CADM1: variants seen among roughly 807,000 people sequenced by gnomAD.
The protein encoded by CADM1 is TSLC-1.
In CADM1, 15 loss-of-function variants were observed where a neutral mutation model predicts 53.1. The observed-to-expected ratio is 0.28, with a 90% CI of 0.19 to 0.44. The LOEUF (loss-of-function observed/expected upper bound fraction) is 0.44, where lower values mean the gene tolerates loss of function less well. CADM1 is among the 20% of genes least tolerant of loss of function. The probability of loss-of-function intolerance (pLI) is 1.00; values close to 1 mark genes in which losing one functional copy is unlikely to be tolerated. For synonymous variants in CADM1, 281 were observed against 243.0 expected (o/e 1.16, Z -1.45); for missense variants, 434 against 611.3 (o/e 0.71, Z 3.06).
chr11:115,491,772 A>C (rs1042916949), intron 1 of CADM1, among the ~76,000 whole-genome samples: 1 of 152,234 alleles, frequency 6.6e-6, no homozygotes, highest in African/African-American at 2.4e-5. Context: ...CCATGCATCC[A>C]TAAAAAAGGA....
Position 115,176,045 on chromosome 11 carries a change from A to G in CADM1, c.*429T>C. ...CTAGAACAGAAAAGGGAAGGAAAAG[A>G]GTCTAAGGAATCCCAGCAGGCAAAT... On this transcript the variant is annotated 3_prime_UTR_variant, in exon 12 of 12. Coordinates refer to ENST00000331581, the MANE Select transcript of CADM1 (RefSeq NM_001301043.2). 9.3e-7 allele frequency: 1 copy of G among 1,076,998 alleles called. No individual in the cohort carries two copies. Among genetic ancestry groups the G allele is most frequent in the Admixed American group, 4.9e-5 (1 of 20,266 alleles). The allele number at this position is 1,076,998 out of a possible 1,614,324, so 66.7% of individuals were successfully genotyped here.
intron 1 of CADM1, among the ~76,000 whole-genome samples, chr11:115,322,044 G>A (rs1048623543): frequency 4.6e-5 from 7 of 152,110 alleles, no homozygotes; most frequent in South Asian, 2.1e-4. Context: ...TCTAGCTGGC[G>A]TCAAAGCACA....
chr11:115,182,323 T>C (rs956618329), intron 10 of CADM1, among the ~76,000 whole-genome samples: 1 of 152,250 alleles, frequency 6.6e-6, no homozygotes, highest in African/African-American at 2.4e-5. Flanking sequence ...AAGCCATGTT[T>C]TCTTGTTCCC....
intron 1 of CADM1, among the ~76,000 whole-genome samples, chr11:115,371,420 C>A (rs984990887): frequency 1.3e-5 from 2 of 151,294 alleles, no homozygotes; most frequent in African/African-American, 4.9e-5. Flanking sequence ...ACCACTAAAA[C>A]AAAGAATTAC....
intron 1 of CADM1, among the ~76,000 whole-genome samples, chr11:115,444,281 T>C (rs897798692): frequency 2.0e-5 from 3 of 152,152 alleles, no homozygotes; most frequent in South Asian, 2.1e-4. Flanking sequence ...AAAACGTACA[T>C]GTAATAAGGC....
intron 1 of CADM1, among the ~76,000 whole-genome samples, chr11:115,470,450 G>C (rs1206367389): frequency 6.6e-6 from 1 of 152,160 alleles, no homozygotes; most frequent in Non-Finnish European, 1.5e-5. Flanking sequence ...GATACTATTA[G>C]AAAGTAAGCT....
At chr11:115,234,633 C>T (rs1459146403) in intron 3 of CADM1, among the ~76,000 whole-genome samples, 1 of 152,096 alleles carries the variant, frequency 6.6e-6, no homozygotes, top group Non-Finnish European at 1.5e-5. Flanking sequence ...TGGCTCACGC[C>T]TGTAATGCCA....
At chr11:115,295,170 G>T (rs73576109) in intron 1 of CADM1, among the ~76,000 whole-genome samples, 1 of 152,022 alleles carries the variant, frequency 6.6e-6, no homozygotes, top group Non-Finnish European at 1.5e-5. Flanking sequence ...ACACTCTGAC[G>T]CATTTCATCC....
At chr11:115,441,456 C>T (rs1948310658) in intron 1 of CADM1, among the ~76,000 whole-genome samples, 1 of 152,154 alleles carries the variant, frequency 6.6e-6, no homozygotes, top group Non-Finnish European at 1.5e-5. Context: ...ACTGTAACTC[C>T]TATGTGGAAC....
At chr11:115,284,989 CAT>C (rs1943693284) in intron 1 of CADM1, among the ~76,000 whole-genome samples, 1 of 152,180 alleles carries the variant, frequency 6.6e-6, no homozygotes, top group Non-Finnish European at 1.5e-5. Context: ...TCCAACGAAG[CAT>C]TCACCCTCAG....
At chr11:115,428,100 G>C (rs947495371) in intron 1 of CADM1, among the ~76,000 whole-genome samples, 2 of 151,700 alleles carry the variant, frequency 1.3e-5, no homozygotes, top group Non-Finnish European at 2.9e-5. Flanking sequence ...TTGGCAAAGG[G>C]CTATTAGATG....
At chr11:115,272,264 T>C (rs1943320101) in intron 1 of CADM1, among the ~76,000 whole-genome samples, 1 of 152,178 alleles carries the variant, frequency 6.6e-6, no homozygotes, top group African/African-American at 2.4e-5. Context: ...AGGATTATAC[T>C]CAGTTGCAAC....
At chr11:115,282,596 G>T (rs545601151) in intron 1 of CADM1, among the ~76,000 whole-genome samples, 39 of 152,234 alleles carry the variant, frequency 2.6e-4, no homozygotes, top group Non-Finnish European at 4.7e-4. Context: ...GGAAAGTGTT[G>T]GCAATTTGCT....
At chr11:115,486,822 T>C (rs989650377) in intron 1 of CADM1, among the ~76,000 whole-genome samples, 3 of 152,150 alleles carry the variant, frequency 2.0e-5, no homozygotes, top group African/African-American at 7.2e-5. Flanking sequence ...TAGCAATCCT[T>C]CCCATATTTT....
chr11:115,404,205 A>G (rs1947238635), intron 1 of CADM1, among the ~76,000 whole-genome samples: 1 of 148,820 alleles, frequency 6.7e-6, no homozygotes, highest in East Asian at 2.0e-4. Flanking sequence ...GCACACTTGT[A>G]CTCCCAGATA....
chr11:115,187,468 G>A (rs1321252106), intron 10 of CADM1, among the ~76,000 whole-genome samples: 1 of 152,070 alleles, frequency 6.6e-6, no homozygotes, highest in Non-Finnish European at 1.5e-5. Flanking sequence ...TCTTTCTGTT[G>A]CCCAGGCTGG....
At chr11:115,421,296 T>C (rs895933469) in intron 1 of CADM1, among the ~76,000 whole-genome samples, 1 of 152,254 alleles carries the variant, frequency 6.6e-6, no homozygotes, top group Admixed American at 6.5e-5. Context: ...GTGTTTCAGC[T>C]AACCTTAACC....
chr11:115,218,493 T>G (rs1009244256), intron 5 of CADM1, among the ~76,000 whole-genome samples: 2 of 152,200 alleles, frequency 1.3e-5, no homozygotes, highest in African/African-American at 4.8e-5. Flanking sequence ...CTGGGATATT[T>G]TGGAAGCCCT....
chr11:115,417,466 C>T (rs1346720798), intron 1 of CADM1, among the ~76,000 whole-genome samples: 2 of 152,176 alleles, frequency 1.3e-5, no homozygotes, highest in East Asian at 3.9e-4. Flanking sequence ...ATACATCATA[C>T]CTAAGATAAA....
Sources: gnomAD v4.1 joint callset for allele counts (sites outside exome capture counted in the v4.1 genomes callset) on GRCh38, gnomAD v4.1.1 for gene constraint, MANE v1.5 for transcripts, NCBI Gene and HGNC (gene_info 2026-07-23, HGNC 2026-07-21) for gene names.